Variants in LAMA1 observed in about 807,000 individuals in gnomAD.
LAMA1 encodes laminin subunit alpha 1, also known as laminin subunit alpha-1.
A neutral mutation model predicts 348.7 loss-of-function variants in LAMA1; 219 were observed. The observed-to-expected ratio is 0.63, with a 90% CI of 0.56 to 0.70. The LOEUF (loss-of-function observed/expected upper bound fraction) is 0.70, where lower values mean the gene tolerates loss of function less well. LAMA1 is among the 30% of genes least tolerant of loss of function. The pLI is 0.00. For synonymous variants in LAMA1, 1,487 were observed against 1,491.0 expected (o/e 1.00, Z 0.06); for missense variants, 3,744 against 3,888.0 (o/e 0.96, Z 0.99).
At chr18:7,111,991 A>G (rs1035681547) in intron 1 of LAMA1, among the ~76,000 whole-genome samples, 18 of 152,222 alleles carry the variant, frequency 1.2e-4, no homozygotes, top group African/African-American at 3.9e-4. Context: ...TGGTCAATAC[A>G]TTAACTTATC....
chr18:7,060,701 T>A (rs892891157), intron 3 of LAMA1, among the ~76,000 whole-genome samples: 14 of 152,128 alleles, frequency 9.2e-5, no homozygotes, highest in African/African-American at 3.4e-4. Context: ...CCATGATCGG[T>A]AATCTGAAGA....
intron 16 of LAMA1, among the ~76,000 whole-genome samples, chr18:7,027,504 T>A (rs576103399): frequency 1.3e-4 from 19 of 151,294 alleles, no homozygotes; most frequent in African/African-American, 4.4e-4. Context: ...GGTTTTTTTT[T>A]ATGGGGAATG....
intron 57 of LAMA1, among the ~76,000 whole-genome samples, chr18:6,951,735 G>A (rs1304574745): frequency 6.6e-6 from 1 of 152,206 alleles, no homozygotes; most frequent in Admixed American, 6.5e-5. Context: ...TTAGACCAGG[G>A]TGGCGGTGGG....
At chr18:6,961,791 A>G in intron 52 of LAMA1, 32 bp from the exon 53 acceptor site, 1 of 1,612,838 alleles carries the variant, frequency 6.2e-7, no homozygotes, top group Non-Finnish European at 8.5e-7. Context: ...CAGCATGGTG[A>G]GTTCCTAGCT....
At chr18:7,067,094 T>G (rs1568053596) in intron 3 of LAMA1, among the ~76,000 whole-genome samples, 1 of 152,170 alleles carries the variant, frequency 6.6e-6, no homozygotes, top group Admixed American at 6.5e-5. Context: ...AAGAAGAAAT[T>G]GGTAGCACCT....
At position 7,024,527 on chromosome 18, in the gene LAMA1, T is replaced by G. The variant is rs2057933679; in HGVS notation, c.2403-61A>C. 8 of 1,301,328 alleles carry G rather than the reference T, an allele frequency of 6.1e-6. No individual in the cohort carries two copies. In the South Asian group the frequency reaches 9.8e-5, roughly 16 times the overall value. The allele number at this position is 1,301,328 out of a possible 1,614,324, so 80.6% of individuals were successfully genotyped here. Reference sequence around the variant, plus strand: ...TGGATGAAGCCGAATTTCTAACTATTTAAAATGCTTCATTTCTACTACTCC... The same window carrying G: ...TGGATGAAGCCGAATTTCTAACTATGTAAAATGCTTCATTTCTACTACTCC... On this transcript the variant is annotated intron_variant, in intron 17 of 62. Transcript: ENST00000389658.
In LAMA1 at chr18:7,044,806, C is replaced by T. The variant is rs565276715; in HGVS notation, c.892G>A (p.Gly298Arg). The T allele has an allele frequency of 5.6e-6, 9 of 1,614,008 alleles. No homozygotes were observed. Among genetic ancestry groups the T allele is most frequent in the Admixed American group, 1.7e-5 (1 of 59,994 alleles). The stretch of plus-strand genomic sequence containing the variant: ...GGACAGCACCTGTTACAGCTCTCCC[C>T]GCAAGTATTATGCTCACATTGACAC... ...LQCQCEHNTC[G>R]ESCNRCCPGY... The change falls in exon 7 of 63, where the codon GGG becomes AGG. Residue 298 changes from glycine (G) to arginine (R), a missense_variant. Coordinates refer to ENST00000389658, the MANE Select transcript of LAMA1 (RefSeq NM_005559.4).
chr18:6,962,339 G>A (rs1023227797), intron 51 of LAMA1, among the ~76,000 whole-genome samples: 1 of 149,138 alleles, frequency 6.7e-6, no homozygotes, highest in Non-Finnish European at 1.5e-5. Flanking sequence ...TTGAGCCCAG[G>A]AGTTTGAGGC....
At chr18:7,107,654 A>T (rs2058317809) in intron 1 of LAMA1, among the ~76,000 whole-genome samples, 1 of 152,208 alleles carries the variant, frequency 6.6e-6, no homozygotes, top group Non-Finnish European at 1.5e-5. Context: ...CATGAAAAAA[A>T]ATTTAAAAAC....
chr18:6,982,969 G>A (rs2057718595), intron 40 of LAMA1, 130 bp downstream of exon 40: 1 of 1,215,722 alleles, frequency 8.2e-7, no homozygotes, highest in Non-Finnish European at 1.2e-6. Context: ...TATGATGACA[G>A]AAGCCAGAAA....
intron 1 of LAMA1, among the ~76,000 whole-genome samples, chr18:7,099,277 G>C (rs535741502): frequency 2.5e-4 from 38 of 150,334 alleles, no homozygotes; most frequent in East Asian, 5.9e-4. Context: ...CAGCATGCTC[G>C]TTAAGAGTCA....
At chr18:6,964,391 T>C (rs960639476) in intron 51 of LAMA1, among the ~76,000 whole-genome samples, 2 of 152,154 alleles carry the variant, frequency 1.3e-5, no homozygotes, top group African/African-American at 4.8e-5. Context: ...ACAGTTGTCC[T>C]TATAAAAAGG....
chr18:7,009,421 T>C, intron 26 of LAMA1, 55 bp from the exon 27 acceptor site: 1 of 1,574,020 alleles, frequency 6.4e-7, no homozygotes, highest in Non-Finnish European at 8.7e-7. Flanking sequence ...CTGACAGGCA[T>C]AAAACTTATA....
At chr18:6,961,302 C>T (rs2057605942) in intron 53 of LAMA1, among the ~76,000 whole-genome samples, 1 of 152,168 alleles carries the variant, frequency 6.6e-6, no homozygotes. Context: ...GGGAAGAAAA[C>T]TCCGTATATG....
At position 7,117,781 on chromosome 18, in the gene LAMA1, C is replaced by T. The variant is rs574171208; in HGVS notation, c.-61G>A. The T allele has an allele frequency of 4.0e-5, 60 of 1,487,672 alleles. No individual in the cohort carries two copies. Among genetic ancestry groups the T allele is most frequent in the Non-Finnish European group, 5.1e-5 (56 of 1,098,062 alleles). 92.2% of individuals were successfully genotyped at this position (1,487,672 alleles called of 1,614,324 possible). On this transcript the variant is annotated 5_prime_UTR_variant, in exon 1 of 63. Coordinates refer to ENST00000389658, the MANE Select transcript of LAMA1 (RefSeq NM_005559.4). ...AAGCCGCGCGCCCGCCTGGAACGCTCCACGGGACGCGAGTCCGCGCTGCCC... is the reference window on the plus strand; with the variant it reads ...AAGCCGCGCGCCCGCCTGGAACGCTTCACGGGACGCGAGTCCGCGCTGCCC...
At chr18:6,993,595 T>G (rs777459720) in intron 35 of LAMA1, 46 bp downstream of exon 35, 6 of 1,314,278 alleles carry the variant, frequency 4.6e-6, no homozygotes, top group Admixed American at 1.7e-5. Flanking sequence ...GGTGACTTCT[T>G]ACTAGATAAG....
intron 3 of LAMA1, among the ~76,000 whole-genome samples, chr18:7,054,497 C>T (rs1374273846): frequency 6.6e-6 from 1 of 152,174 alleles, no homozygotes; most frequent in Non-Finnish European, 1.5e-5. Context: ...TGCCTTTCTC[C>T]AGGTGAACTG....
intron 36 of LAMA1, among the ~76,000 whole-genome samples, chr18:6,990,241 T>C (rs994672272): frequency 5.9e-5 from 9 of 152,218 alleles, no homozygotes; most frequent in African/African-American, 1.9e-4. Flanking sequence ...AAAGGCTCTA[T>C]TGTTCCCCTG....
Position 7,043,307 on chromosome 18 carries a change from C to T in LAMA1, c.1075G>A (p.Gly359Arg). ...TTCTGCAAGCAATTTATGCAAACCCCTCCTCCTCTGAACTGTCCAGCAGTA... is the reference window on the plus strand; with the variant it reads ...TTCTGCAAGCAATTTATGCAAACCCTTCCTCCTCTGAACTGTCCAGCAGTA... ...LNTAGQFRGG[G>R]VCINCLQNTM... The change falls in exon 8 of 63, where the codon GGG (glycine) becomes AGG (arginine). Residue 359 changes from glycine (G) to arginine (R), a missense_variant. Around this residue, in one of 3 missense-constraint regions of LAMA1, gnomAD observed 1,529 missense variants for 1,689.4 expected, o/e 0.91. Transcript: ENST00000389658. 1 of 1,614,126 alleles carries T rather than the reference C, an allele frequency of 6.2e-7. No individual in the cohort carries two copies.
Sources: allele counts gnomAD v4.1 joint callset (sites outside exome capture counted in the v4.1 genomes callset), GRCh38; gene constraint gnomAD v4.1.1; regional missense constraint gnomAD v4.1.1; transcripts MANE v1.5; gene names NCBI Gene and HGNC (gene_info 2026-07-23, HGNC 2026-07-21).